Variants in TP53I13 observed in about 807,000 individuals in gnomAD.
TP53I13 encodes tumor protein p53-inducible protein 13.
A neutral mutation model predicts 39.1 loss-of-function variants in TP53I13; 27 were observed. The ratio of observed to expected loss-of-function variants is 0.69; its 90% CI spans 0.51 to 0.95. TP53I13 has a LOEUF of 0.95. Ranked by LOEUF, TP53I13 falls within the 40% of genes least tolerant of loss-of-function variation. The pLI, the probability that TP53I13 is intolerant of heterozygous loss-of-function variation, is 0.00. For synonymous variants in TP53I13, 230 were observed against 224.6 expected, an observed-to-expected ratio of 1.02 and a Z score of -0.22; for missense variants, 544 against 520.4, an observed-to-expected ratio of 1.05 and a Z score of -0.44.
In TP53I13 at chr17:29,572,336, G is replaced by A. The variant is rs1173001766; in HGVS notation, c.708G>A (p.Met236Ile). ...SPGSLKAKQS[M>I]AGIPGRESNA... is the part of the protein sequence containing the mutation. ...GGAGCTTGAAGGCCAAGCAGTCCATGGCGGGAATCCCTGGTAGGGAGAGTA... is the reference window on the plus strand; with the variant it reads ...GGAGCTTGAAGGCCAAGCAGTCCATAGCGGGAATCCCTGGTAGGGAGAGTA... Residue 236 changes from methionine to isoleucine, a missense_variant, in exon 6 of 7, where the codon ATG becomes ATA. Physicochemically the swap from Met to Ile is conservative, Grantham distance 10. Transcript: ENST00000301057. 1 of 1,611,730 alleles carries A rather than the reference G, an allele frequency of 6.2e-7. No individual in the cohort carries two copies. The highest frequency in any genetic ancestry group is 1.3e-5 in the African/African-American group (1 of 74,922).
downstream of TP53I13, chr17:29,575,640 G>C: frequency 1.2e-6 from 2 of 1,612,010 alleles, no homozygotes; most frequent in South Asian, 2.2e-5. The surrounding 1 kb of genome is among the most constrained non-coding windows in gnomAD (Gnocchi z 5.5). Context: ...CCCAGCAGTG[G>C]GTCCCCACTT....
At chr17:29,566,507 C>G (rs565676282), upstream of TP53I13, 4 of 1,611,152 alleles carry the variant, frequency 2.5e-6, no homozygotes, top group African/African-American at 4.0e-5. Context: ...GGAAGGCCCC[C>G]GGCGCTGGTG....
chr17:29,566,945 G>C (rs1395310533), upstream of TP53I13: 2 of 1,414,544 alleles, frequency 1.4e-6, no homozygotes, highest in East Asian at 3.0e-5. Context: ...ATGAGCGCGA[G>C]GGCGGCGCCC....
At chr17:29,579,673 T>A in the TP53I13 span, among the ~76,000 whole-genome samples, 2 of 151,264 alleles carry the variant, frequency 1.3e-5, no homozygotes, top group Non-Finnish European at 2.9e-5. Flanking sequence ...TGGTAAGCTA[T>A]GATCAAGCCA....
At chr17:29,574,977 A>T, downstream of TP53I13, 1 of 1,493,848 alleles carries the variant, frequency 6.7e-7, no homozygotes, top group Non-Finnish European at 9.1e-7. Context: ...ATCAGGGCCC[A>T]GTTTGTCTGT....
intron 3 of TP53I13, 25 bp downstream of exon 3, chr17:29,569,384 C>T (rs374787972): frequency 1.4e-4 from 226 of 1,612,080 alleles, no homozygotes; most frequent in Admixed American, 2.8e-4. Flanking sequence ...GGGCCCACCA[C>T]CCTTGGTGTC....
chr17:29,578,601 G>A, the TP53I13 span: 2 of 912,000 alleles, frequency 2.2e-6, no homozygotes, highest in Non-Finnish European at 3.7e-6. Flanking sequence ...GGACTGCTGA[G>A]GCCAGTGAGG....
downstream of TP53I13, chr17:29,577,554 A>C (rs1415507403): frequency 3.5e-6 from 3 of 863,704 alleles, no homozygotes; most frequent in African/African-American, 3.3e-5. Context: ...CAAATGCTGG[A>C]GAGCTGGCTC....
downstream of TP53I13, chr17:29,576,751 A>G (rs1474293168): frequency 1.9e-6 from 3 of 1,592,482 alleles, no homozygotes; most frequent in African/African-American, 2.7e-5. Context: ...TATTGAGGCT[A>G]GGAGCAGCCC....
At chr17:29,566,709 G>C (rs748735111), upstream of TP53I13, 1 of 1,582,166 alleles carries the variant, frequency 6.3e-7, no homozygotes, top group Admixed American at 1.8e-5. Flanking sequence ...AGCGCCGCAG[G>C]GCGCGCAGCA....
downstream of TP53I13, chr17:29,576,493 T>C (rs1392246270): frequency 6.2e-7 from 1 of 1,613,182 alleles, no homozygotes; most frequent in East Asian, 2.2e-5. Flanking sequence ...GTCCTGGGGC[T>C]CCCCCTCCCA....
At chr17:29,581,196 C>T in the TP53I13 span, 6 of 695,956 alleles carry the variant, frequency 8.6e-6, no homozygotes, top group African/African-American at 1.8e-5. The surrounding 1 kb of genome is among the most constrained non-coding windows in gnomAD (Gnocchi z 4.8). Flanking sequence ...GCATTAGGGA[C>T]TGAGGACTAA....
chr17:29,574,617 T>G, downstream of TP53I13: 33 of 1,108,124 alleles, frequency 3.0e-5, no homozygotes, highest in Non-Finnish European at 4.2e-5. Flanking sequence ...AGTGGCTCTG[T>G]TGGGGTGGGG....
chr17:29,567,011 C>CT, upstream of TP53I13: 1 of 1,264,336 alleles, frequency 7.9e-7, no homozygotes, highest in Non-Finnish European at 9.9e-7. The surrounding 1 kb of genome is among the most constrained non-coding windows in gnomAD (Gnocchi z 6.6). Flanking sequence ...GCGGGGCCGT[C>CT]TACTCGGCGA....
chr17:29,570,595 C>G (rs2032887143), intron 3 of TP53I13: 1 of 152,196 alleles, frequency 6.6e-6, no homozygotes, highest in African/African-American at 2.4e-5. Flanking sequence ...ACAGCCCTTT[C>G]ATGAAGTCAT....
At chr17:29,566,987 G>A, upstream of TP53I13, 2 of 1,293,180 alleles carry the variant, frequency 1.5e-6, no homozygotes, top group Non-Finnish European at 9.7e-7. Flanking sequence ...GAGAGCCCCG[G>A]CGGGCAGCGG....
At chr17:29,574,453 A>AG (rs2033109092), downstream of TP53I13, 3 of 542,970 alleles carry the variant, frequency 5.5e-6, no homozygotes, top group Non-Finnish European at 6.6e-6. Flanking sequence ...GCTCACTAGG[A>AG]GGGGGGAGAT....
chr17:29,575,049 C>T, downstream of TP53I13: 1 of 1,545,164 alleles, frequency 6.5e-7, no homozygotes, highest in South Asian at 1.2e-5. The surrounding 1 kb of genome is among the most constrained non-coding windows in gnomAD (Gnocchi z 5.5). Flanking sequence ...GAGGCCCTCC[C>T]ACTCCTGGTC....
the TP53I13 span, chr17:29,581,353 G>C: frequency 6.2e-7 from 1 of 1,612,564 alleles, no homozygotes; most frequent in South Asian, 1.1e-5. The surrounding 1 kb of genome is among the most constrained non-coding windows in gnomAD (Gnocchi z 4.8). Context: ...AGCCATCTGT[G>C]GGATGATGTA....
Sources: gnomAD v4.1 joint callset for allele counts (sites outside exome capture counted in the v4.1 genomes callset) on GRCh38, gnomAD v4.1.1 for gene constraint, Gnocchi (gnomAD v3.1) non-coding constraint, MANE v1.5 for transcripts, NCBI Gene and HGNC (gene_info 2026-07-23, HGNC 2026-07-21) for gene names.